The following DLGAP2 variants were observed in gnomAD, a reference collection of about 807,000 sequenced individuals.
DLGAP2 encodes disks large-associated protein 2.
Under a neutral mutation model 100.3 loss-of-function variants are expected in DLGAP2, and 26 were observed. The ratio of observed to expected loss-of-function variants is 0.26; its 90% CI spans 0.19 to 0.36. The LOEUF (loss-of-function observed/expected upper bound fraction) is 0.36. Among genes scored for constraint, DLGAP2 ranks in the 10% least tolerant of loss-of-function variants. DLGAP2 has a pLI of 1.00. For missense variants in DLGAP2, 1,858 were observed against 1,453.2 expected (o/e 1.28, Z -4.53); for synonymous variants, 886 against 630.1 (o/e 1.41, Z -6.08).
chr8:779,500 G>A (rs1216479175), intron 1 of DLGAP2, among the ~76,000 whole-genome samples: 1 of 143,700 alleles, frequency 7.0e-6, no homozygotes, highest in Non-Finnish European at 1.5e-5. Flanking sequence ...GTCTTGCTCT[G>A]TCGCCCAGGC....
At chr8:784,489 G>A (rs1266617657) in intron 1 of DLGAP2, among the ~76,000 whole-genome samples, 2 of 152,216 alleles carry the variant, frequency 1.3e-5, no homozygotes, top group African/African-American at 4.8e-5. Context: ...TAATATTTTA[G>A]GCCATTTAAT....
intron 3 of DLGAP2, among the ~76,000 whole-genome samples, chr8:1,449,891 G>A (rs111286976): frequency 0.16 from 10,451 of 65,278 alleles, 1,260 homozygotes; most frequent in East Asian, 0.43. Flanking sequence ...TGGCTGAGGC[G>A]GAGCTGTGAG....
intron 3 of DLGAP2, among the ~76,000 whole-genome samples, chr8:1,387,404 G>A (rs1796245388): frequency 1.3e-5 from 2 of 152,230 alleles, no homozygotes; most frequent in Admixed American, 6.5e-5. Flanking sequence ...CCACGGGGCT[G>A]CAGAGAAGGC....
chr8:1,596,383 T>TACCC (rs1414732459), intron 6 of DLGAP2, among the ~76,000 whole-genome samples: 4 of 152,240 alleles, frequency 2.6e-5, no homozygotes, highest in African/African-American at 9.6e-5. Context: ...TTTGGGTATA[T>TACCC]ACCCAGTAAT....
chr8:1,377,108 C>T lies in DLGAP2; in HGVS notation c.106+118225C>T, dbSNP rs375274834. ...CTTCTGCAGGGAGCTTCCAGATAGG[C>T]GTGTGCGTCCCAGCGAGAGGAAGTC... On this transcript the variant is annotated intron_variant, in intron 3 of 14. Coordinates refer to ENST00000637795, the MANE Select transcript of DLGAP2 (RefSeq NM_001346810.2). 7.7e-4 allele frequency among the ~76,000 whole-genome samples: 118 copies of T among 152,318 alleles called. 1 individual carries two copies. Among genetic ancestry groups the T allele is most frequent in the Non-Finnish European group, 1.5e-3 (103 of 68,024 alleles).
chr8:1,057,731 G>A (rs571857619), intron 2 of DLGAP2, among the ~76,000 whole-genome samples: 2 of 152,288 alleles, frequency 1.3e-5, no homozygotes, highest in South Asian at 4.1e-4. Flanking sequence ...TGAGAATTGT[G>A]ACTATGTTCA....
rs373345603 is a variant in DLGAP2, at chr8:1,328,795, C to T, written c.106+69912C>T. Among the ~76,000 whole-genome samples the T allele has an allele frequency of 1.2e-4, 18 of 152,330 alleles. No individual in the cohort carries two copies. In the East Asian group the frequency reaches 2.9e-3, roughly 24 times the overall value. On this transcript the variant is annotated intron_variant, in intron 3 of 14. Transcript: ENST00000637795. ...GGCGGAAATGTCGGGATGCCGCTTACGTATCGGGGTGTTTATGCAGAGCTG... is the reference window on the plus strand; with the variant it reads ...GGCGGAAATGTCGGGATGCCGCTTATGTATCGGGGTGTTTATGCAGAGCTG...
chr8:1,328,448 A>G (rs1472627076), intron 3 of DLGAP2, among the ~76,000 whole-genome samples: 1 of 152,120 alleles, frequency 6.6e-6, no homozygotes, highest in African/African-American at 2.4e-5. Context: ...CCTCCCGAGT[A>G]GCGGGATTAT....
chr8:758,003 T>C (rs142012193), intron 1 of DLGAP2, among the ~76,000 whole-genome samples: 181 of 152,332 alleles, frequency 1.2e-3, no homozygotes, highest in African/African-American at 4.2e-3. Flanking sequence ...AGTGAGGACA[T>C]GGCTGTGCCC....
At chr8:1,573,112 G>T (rs1233091768) in intron 6 of DLGAP2, among the ~76,000 whole-genome samples, 1 of 125,698 alleles carries the variant, frequency 8.0e-6, no homozygotes, top group Non-Finnish European at 1.6e-5. Context: ...GGGGTGAACT[G>T]TGGGGGCATC....
In DLGAP2 at chr8:954,107, A is replaced by G. The variant is rs551441528; in HGVS notation, c.73+46141A>G. On this transcript the variant is annotated intron_variant, in intron 2 of 14. Coordinates refer to ENST00000637795, the MANE Select transcript of DLGAP2 (RefSeq NM_001346810.2). ...TTTTGACGTCTTGAACCCCTGAAAG[A>G]GTGTCAGTGGCTCCCAGGAAAAGGT... Among the ~76,000 whole-genome samples the G allele has an allele frequency of 2.0e-5, 3 of 152,296 alleles. No individual in the cohort carries two copies. The East Asian group carries it at 5.8e-4, about 29-fold the overall frequency.
intron 1 of DLGAP2, among the ~76,000 whole-genome samples, chr8:763,424 C>T (rs758129913): frequency 4.6e-5 from 7 of 152,160 alleles, no homozygotes; most frequent in Non-Finnish European, 5.9e-5. Flanking sequence ...CTGTTGCTGC[C>T]GTGCTCTTCT....
chr8:811,307 G>A (rs1796365852), intron 1 of DLGAP2, among the ~76,000 whole-genome samples: 1 of 152,262 alleles, frequency 6.6e-6, no homozygotes, highest in Admixed American at 6.5e-5. Context: ...TGGGGGCCCT[G>A]CCAGGGCTCC....
intron 1 of DLGAP2, among the ~76,000 whole-genome samples, chr8:816,479 G>A (rs532128764): frequency 3.9e-5 from 6 of 152,148 alleles, no homozygotes; most frequent in South Asian, 2.1e-4. Flanking sequence ...CTTCATTTAC[G>A]AAGCTTAGTA....
At chr8:1,360,275 T>C (rs1801952345) in intron 3 of DLGAP2, among the ~76,000 whole-genome samples, 1 of 97,986 alleles carries the variant, frequency 1.0e-5, no homozygotes, top group Non-Finnish European at 2.0e-5. Context: ...GGGCGGGGCT[T>C]CTCTGGGGCG....
Position 1,254,909 on chromosome 8 carries a change from C to CCTGCCCAGGTGCTGTGTGTGTGCCCTCTG in DLGAP2, c.74-3914_74-3913insGCTGCCCAGGTGCTGTGTGTGTGCCCTCT, listed in dbSNP as rs1322604617. Reference sequence around the variant, plus strand: ...CCCGCGTGCTGTGTCTGTGCTCTCTCCTGCCCAGGTGCTGTGTGTGTGCCC... The same window carrying CCTGCCCAGGTGCTGTGTGTGTGCCCTCTG: ...CCCGCGTGCTGTGTCTGTGCTCTCTCCTGCCCAGGTGCTGTGTGTGTGCCCTCTGCTGCCCAGGTGCTGTGTGTGTGCCC... On this transcript the variant is annotated intron_variant, in intron 2 of 14. Transcript: ENST00000637795. Among the ~76,000 whole-genome samples the CCTGCCCAGGTGCTGTGTGTGTGCCCTCTG allele has an allele frequency of 1.4e-3, 216 of 150,766 alleles. 2 individuals carry two copies. The highest frequency in any genetic ancestry group is 7.0e-3 in the Middle Eastern group (2 of 284).
intron 3 of DLGAP2, among the ~76,000 whole-genome samples, chr8:1,290,579 G>T (rs1352115424): frequency 6.6e-6 from 1 of 152,208 alleles, no homozygotes; most frequent in Non-Finnish European, 1.5e-5. Context: ...AGAAACAAGT[G>T]CTCCCATGGG....
At chr8:883,637 G>A (rs1248438423) in intron 1 of DLGAP2, among the ~76,000 whole-genome samples, 1 of 151,376 alleles carries the variant, frequency 6.6e-6, no homozygotes, top group Non-Finnish European at 1.5e-5. Flanking sequence ...ACGTAGGAGC[G>A]CGGGTGCCGC....
intron 2 of DLGAP2, among the ~76,000 whole-genome samples, chr8:1,160,167 CTG>C (rs1437159889): frequency 6.6e-6 from 1 of 152,192 alleles, no homozygotes; most frequent in East Asian, 1.9e-4. Flanking sequence ...CAATGTAAAA[CTG>C]AGGCTGCTAC....
Sources: gnomAD v4.1 joint callset for allele counts (sites outside exome capture counted in the v4.1 genomes callset) on GRCh38, gnomAD v4.1.1 for gene constraint, MANE v1.5 for transcripts, NCBI Gene and HGNC (gene_info 2026-07-23, HGNC 2026-07-21) for gene names.